FYB1: variants seen among roughly 807,000 people sequenced by gnomAD.
The protein encoded by FYB1 is FYN-binding protein 1.
FYB1 carries 41 observed loss-of-function variants against 94.1 expected under a neutral mutation model. The ratio of observed to expected loss-of-function variants is 0.44; its 90% CI spans 0.34 to 0.57. The LOEUF is 0.57. Among genes scored for constraint, FYB1 ranks in the 20% least tolerant of loss-of-function variants. FYB1 has a pLI of 0.02. For synonymous variants in FYB1, 367 were observed against 353.2 expected (o/e 1.04, Z -0.44); for missense variants, 1,050 against 976.8 (o/e 1.07, Z -1.00).
chr5:39,110,173 A>T (rs1363777461), intron 17 of FYB1, among the ~76,000 whole-genome samples, 183 bp downstream of exon 17: 1 of 152,152 alleles, frequency 6.6e-6, no homozygotes, highest in East Asian at 1.9e-4. Context: ...AAAGAGTAGC[A>T]CTTCATGGAA....
chr5:39,252,952 G>A (rs780515441), intron 1 of FYB1, among the ~76,000 whole-genome samples: 1 of 152,218 alleles, frequency 6.6e-6, no homozygotes, highest in Non-Finnish European at 1.5e-5. Context: ...TTAGTAAAAT[G>A]TTAGCAATTG....
rs778298094 is a variant in FYB1, at chr5:39,134,259, T to A, written c.1766A>T (p.Glu589Val). The A allele has an allele frequency of 6.2e-7, 1 of 1,612,622 alleles. No homozygotes were observed. The highest frequency in any genetic ancestry group is 8.5e-7 in the Non-Finnish European group (1 of 1,178,808). The change falls in exon 9 of 19, where the codon GAA becomes GTA. Residue 589 changes from glutamate to valine, a missense_variant. By Grantham distance (121) the Glu-to-Val change is moderately radical. Coordinates refer to ENST00000512982, the MANE Select transcript of FYB1 (RefSeq NM_001465.6). The part of the protein sequence containing the change: ...DSLGAPSRPI[E>V]DDQEVYDDVA... Reference sequence around the variant, plus strand: ...ATCATCATATACTTCTTGGTCATCTTCAATAGGTCTTGAAGGGGCACCAAG... The same window carrying A: ...ATCATCATATACTTCTTGGTCATCTACAATAGGTCTTGAAGGGGCACCAAG...
intron 1 of FYB1, among the ~76,000 whole-genome samples, chr5:39,231,743 A>G (rs1180012017): frequency 6.6e-6 from 1 of 152,084 alleles, no homozygotes; most frequent in African/African-American, 2.4e-5. Flanking sequence ...AGAGGTGCAG[A>G]GAGCTATTTC....
At chr5:39,266,494 C>T (rs898535019) in intron 1 of FYB1, among the ~76,000 whole-genome samples, 1 of 152,214 alleles carries the variant, frequency 6.6e-6, no homozygotes, top group Non-Finnish European at 1.5e-5. Context: ...GCTTCATTCT[C>T]ACACATTTCC....
intron 1 of FYB1, among the ~76,000 whole-genome samples, chr5:39,260,977 A>C (rs150068359): frequency 0.011 from 1,614 of 152,202 alleles, 32 homozygotes; most frequent in African/African-American, 0.036. Flanking sequence ...GGATTGTATT[A>C]AATGGGCAAT....
At chr5:39,150,910 A>T (rs1047059534) in intron 3 of FYB1, among the ~76,000 whole-genome samples, 1 of 152,158 alleles carries the variant, frequency 6.6e-6, no homozygotes, top group Admixed American at 6.5e-5. Flanking sequence ...CAAGTCAGAA[A>T]ATGTCACTGC....
At chr5:39,132,232 A>G (rs1241611094) in intron 9 of FYB1, among the ~76,000 whole-genome samples, 1 of 152,192 alleles carries the variant, frequency 6.6e-6, no homozygotes, top group Non-Finnish European at 1.5e-5. Flanking sequence ...TGAGCCAGGA[A>G]TCATGAGCAG....
At chr5:39,188,540 C>CCT (rs1747057931) in intron 2 of FYB1, among the ~76,000 whole-genome samples, 1 of 69,620 alleles carries the variant, frequency 1.4e-5, no homozygotes, top group Admixed American at 2.2e-4. Flanking sequence ...AACTACAGCA[C>CCT]TTTTTTTTTT....
At chr5:39,248,760 C>A (rs1462350287) in intron 1 of FYB1, among the ~76,000 whole-genome samples, 1 of 152,186 alleles carries the variant, frequency 6.6e-6, no homozygotes, top group East Asian at 1.9e-4. Flanking sequence ...TCGCTTGAAC[C>A]AGGGAGGTGG....
chr5:39,249,389 A>G (rs1751620464), intron 1 of FYB1, among the ~76,000 whole-genome samples: 1 of 152,234 alleles, frequency 6.6e-6, no homozygotes, highest in African/African-American at 2.4e-5. Flanking sequence ...AGCCATATAC[A>G]GTATGTTAAT....
At chr5:39,170,400 G>A (rs150171408) in intron 2 of FYB1, 301 of 567,098 alleles carry the variant, frequency 5.3e-4, no homozygotes, top group African/African-American at 4.4e-3. Flanking sequence ...TGGTCTTGTC[G>A]CCGTCCTGGG....
chr5:39,215,250 T>C (rs1410160992), intron 1 of FYB1, among the ~76,000 whole-genome samples: 2 of 152,204 alleles, frequency 1.3e-5, no homozygotes, highest in African/African-American at 4.8e-5. Context: ...TGAAGAATTA[T>C]AAATTTAAAT....
chr5:39,241,830 C>CT (rs34776914), intron 1 of FYB1, among the ~76,000 whole-genome samples: 69 of 147,806 alleles, frequency 4.7e-4, no homozygotes, highest in African/African-American at 6.6e-4. Context: ...AGTTTAAGCT[C>CT]TTTTTTTTTT....
At chr5:39,131,175 T>C (rs1394361920) in intron 9 of FYB1, among the ~76,000 whole-genome samples, 2 of 152,212 alleles carry the variant, frequency 1.3e-5, no homozygotes, top group African/African-American at 4.8e-5. Context: ...TCTTACTTAC[T>C]TTCACATCAT....
intron 1 of FYB1, among the ~76,000 whole-genome samples, chr5:39,217,707 T>G (rs1196730012): frequency 1.3e-5 from 2 of 152,166 alleles, no homozygotes; most frequent in African/African-American, 4.8e-5. Context: ...AGTCACAGTC[T>G]TAACCGCAAC....
chr5:39,239,674 T>G (rs547540318), intron 1 of FYB1, among the ~76,000 whole-genome samples: 11 of 152,150 alleles, frequency 7.2e-5, no homozygotes, highest in African/African-American at 2.6e-4. Flanking sequence ...CACAAACAAA[T>G]GGAAAATCAT....
At chr5:39,218,013 G>T (rs1459644936) in intron 1 of FYB1, among the ~76,000 whole-genome samples, 1 of 152,214 alleles carries the variant, frequency 6.6e-6, no homozygotes, top group Non-Finnish European at 1.5e-5. Flanking sequence ...GCAAGGTGCA[G>T]CATTGCACCA....
chr5:39,142,394 C>T (rs780882444), intron 3 of FYB1, among the ~76,000 whole-genome samples: 31 of 152,144 alleles, frequency 2.0e-4, no homozygotes, highest in Non-Finnish European at 4.6e-4. Flanking sequence ...CCCACAAACT[C>T]ATCTGCAGTT....
chr5:39,269,199 A>G (rs1752565020), intron 1 of FYB1, among the ~76,000 whole-genome samples: 1 of 151,898 alleles, frequency 6.6e-6, no homozygotes, highest in African/African-American at 2.4e-5. Flanking sequence ...ACAGGCACCC[A>G]CCACGATGCC....
Sources: gnomAD v4.1 joint callset for allele counts (sites outside exome capture counted in the v4.1 genomes callset) on GRCh38, gnomAD v4.1.1 for gene constraint, MANE v1.5 for transcripts, NCBI Gene and HGNC (gene_info 2026-07-23, HGNC 2026-07-21) for gene names.